GAREM1: variants seen among roughly 807,000 people sequenced by gnomAD.
GAREM1 encodes GRB2 associated regulator of MAPK1 subtype 1.
In GAREM1, 26 loss-of-function variants were observed where a neutral mutation model predicts 71.3. The observed-to-expected ratio is 0.36, with a 90% CI of 0.27 to 0.51. GAREM1 has a LOEUF of 0.51. Ranked by LOEUF, GAREM1 falls within the 20% of genes least tolerant of loss-of-function variation. GAREM1 has a pLI of 0.95. For missense variants in GAREM1, 1,026 were observed against 1,103.1 expected (o/e 0.93, Z 0.99); for synonymous variants, 440 against 433.2 (o/e 1.02, Z -0.20).
At chr18:32,459,266 C>T (rs1599063822) in intron 1 of GAREM1, among the ~76,000 whole-genome samples, 1 of 152,132 alleles carries the variant, frequency 6.6e-6, no homozygotes, top group East Asian at 1.9e-4. Flanking sequence ...GACTACATAT[C>T]TTCAGACTAC....
At chr18:32,467,734 T>C (rs567920897) in intron 1 of GAREM1, among the ~76,000 whole-genome samples, 4 of 152,226 alleles carry the variant, frequency 2.6e-5, no homozygotes, top group Non-Finnish European at 5.9e-5. Flanking sequence ...ACAAGTGATT[T>C]GAAAAATGAC....
chr18:32,281,240 A>G (rs1201870116), intron 4 of GAREM1, among the ~76,000 whole-genome samples: 1 of 152,134 alleles, frequency 6.6e-6, no homozygotes, highest in Non-Finnish European at 1.5e-5. Context: ...CTAATTATCT[A>G]TCACATAGTG....
chr18:32,393,121 T>C, intron 1 of GAREM1, 86 bp from the exon 2 acceptor site: 1 of 1,333,712 alleles, frequency 7.5e-7, no homozygotes, highest in Non-Finnish European at 1.0e-6. Context: ...TAGTTAAAAC[T>C]TGACTAATGC....
In GAREM1 at chr18:32,287,169, GTTC is replaced by G. The variant is rs1359612835; in HGVS notation, c.1425_1427del (p.Lys475del). ...CAGAACCTCTAAACTGATCACATCT[GTTC>G]TTCTCGCTCAGAGAGCGAGTGAGAG... On this transcript the variant is annotated inframe_deletion, in exon 4 of 6. Transcript: ENST00000269209. The surrounding 1 kb of genome is among the most constrained non-coding windows in gnomAD (Gnocchi z 5.9). 4 of 1,614,260 alleles carry G rather than the reference GTTC, an allele frequency of 2.5e-6. No individual in the cohort carries two copies. Among genetic ancestry groups the G allele is most frequent in the East Asian group, 2.2e-5 (1 of 44,880 alleles).
At chr18:32,318,693 T>A (rs2047403551) in intron 2 of GAREM1, among the ~76,000 whole-genome samples, 1 of 152,278 alleles carries the variant, frequency 6.6e-6, no homozygotes, top group East Asian at 1.9e-4. Flanking sequence ...CTTTTGCAGC[T>A]GTAGTTTTAC....
chr18:32,384,105 C>T (rs1461766092), intron 2 of GAREM1, among the ~76,000 whole-genome samples: 1 of 152,124 alleles, frequency 6.6e-6, no homozygotes, highest in Non-Finnish European at 1.5e-5. Context: ...ATACACCTAT[C>T]CAAACTTTAC....
At chr18:32,367,400 A>G (rs2047936942) in intron 2 of GAREM1, among the ~76,000 whole-genome samples, 1 of 152,212 alleles carries the variant, frequency 6.6e-6, no homozygotes, top group Non-Finnish European at 1.5e-5. Context: ...AAGATTATAT[A>G]CTGAGTCTAA....
At chr18:32,422,061 C>T (rs1216680796) in intron 1 of GAREM1, among the ~76,000 whole-genome samples, 3 of 151,932 alleles carry the variant, frequency 2.0e-5, no homozygotes, top group Admixed American at 6.6e-5. Context: ...CATATGTATA[C>T]ATGTGCCATG....
At chr18:32,282,135 C>T (rs537045878) in intron 4 of GAREM1, among the ~76,000 whole-genome samples, 1 of 152,190 alleles carries the variant, frequency 6.6e-6, no homozygotes, top group South Asian at 2.1e-4. Flanking sequence ...GGACTCAGCC[C>T]GCCTGCACCC....
At chr18:32,328,220 A>G (rs60154857) in intron 2 of GAREM1, among the ~76,000 whole-genome samples, 9,613 of 152,256 alleles carry the variant, frequency 0.063, 334 homozygotes, top group African/African-American at 0.083. Flanking sequence ...TACAGATTTG[A>G]ATTTTTTCCA....
At chr18:32,353,823 T>C (rs1415129494) in intron 2 of GAREM1, among the ~76,000 whole-genome samples, 1 of 152,078 alleles carries the variant, frequency 6.6e-6, no homozygotes, top group Non-Finnish European at 1.5e-5. Context: ...GATAGAAATC[T>C]GGGGAAGACT....
intron 1 of GAREM1, among the ~76,000 whole-genome samples, chr18:32,400,549 T>C (rs974852803): frequency 6.6e-6 from 1 of 152,228 alleles, no homozygotes; most frequent in African/African-American, 2.4e-5. Flanking sequence ...AAGACATTTA[T>C]GCAGCCAACA....
At chr18:32,321,712 T>C (rs1044058628) in intron 2 of GAREM1, among the ~76,000 whole-genome samples, 1 of 152,214 alleles carries the variant, frequency 6.6e-6, no homozygotes, top group African/African-American at 2.4e-5. Flanking sequence ...TACTGTCAAC[T>C]TCAACTCCAT....
chr18:32,441,836 T>A lies in GAREM1; in HGVS notation c.121+28472A>T, dbSNP rs2048741005. The stretch of plus-strand genomic sequence containing the variant: ...AATGTGCCAATATTTTTGCTTGCAT[T>A]CCAAAATACAGCAAACTTCCTATCC... On this transcript the variant is annotated intron_variant, in intron 1 of 5. Coordinates refer to ENST00000269209, the MANE Select transcript of GAREM1 (RefSeq NM_001242409.2). Among the ~76,000 whole-genome samples, 3 of 152,172 alleles carry A rather than the reference T, an allele frequency of 2.0e-5. No homozygotes were observed. In the South Asian group the frequency reaches 6.2e-4, roughly 31 times the overall value.
At chr18:32,408,910 A>C (rs1023078473) in intron 1 of GAREM1, among the ~76,000 whole-genome samples, 2 of 152,186 alleles carry the variant, frequency 1.3e-5, no homozygotes, top group African/African-American at 2.4e-5. Context: ...TATAATGCTA[A>C]CTAATCTAAA....
chr18:32,457,378 G>A (rs952844278), intron 1 of GAREM1, among the ~76,000 whole-genome samples: 6 of 151,826 alleles, frequency 4.0e-5, no homozygotes, highest in African/African-American at 1.5e-4. Context: ...TATAATCAGA[G>A]GGGAATGAAG....
chr18:32,267,612 C>T lies in GAREM1; in HGVS notation c.*259G>A. On this transcript the variant is annotated 3_prime_UTR_variant, in exon 6 of 6. Transcript: ENST00000269209. Reference sequence around the variant, plus strand: ...GGTAAGAATGATTTCTCTGCACATGCCTTTTTTTCTTTTAGCAGCTGCTGA... The same window carrying T: ...GGTAAGAATGATTTCTCTGCACATGTCTTTTTTTCTTTTAGCAGCTGCTGA... 2.9e-6 allele frequency: 1 copy of T among 346,884 alleles called. No individual in the cohort carries two copies. The highest frequency in any genetic ancestry group is 2.1e-5 in the African/African-American group (1 of 47,648). The allele number at this position is 346,884 out of a possible 1,614,324, so 21.5% of individuals were successfully genotyped here.
chr18:32,278,070 T>C (rs1253549321), intron 4 of GAREM1, among the ~76,000 whole-genome samples: 1 of 152,232 alleles, frequency 6.6e-6, no homozygotes, highest in Non-Finnish European at 1.5e-5. Context: ...CTGACTCCTC[T>C]GTTCTGTGGA....
chr18:32,434,714 T>C (rs991702453), intron 1 of GAREM1, among the ~76,000 whole-genome samples: 11 of 151,738 alleles, frequency 7.2e-5, no homozygotes, highest in African/African-American at 7.3e-5. Flanking sequence ...TTAGTAAACA[T>C]AGAAGGAAGG....
Sources: allele counts gnomAD v4.1 joint callset (sites outside exome capture counted in the v4.1 genomes callset), GRCh38; gene constraint gnomAD v4.1.1; non-coding constraint Gnocchi (gnomAD v3.1); transcripts MANE v1.5; gene names NCBI Gene and HGNC (gene_info 2026-07-23, HGNC 2026-07-21).